ST3GAL2: variants seen among roughly 807,000 people sequenced by gnomAD.
ST3GAL2 encodes the protein CMP-N-acetylneuraminate-beta-galactosamide-alpha-2,3-sialyltransferase 2.
In ST3GAL2, 16 loss-of-function variants were observed where a neutral mutation model predicts 37.5. The ratio of observed to expected loss-of-function variants is 0.43; its 90% CI spans 0.29 to 0.65. ST3GAL2 has a LOEUF of 0.65. Ranked by LOEUF, ST3GAL2 falls within the 30% of genes least tolerant of loss-of-function variation. ST3GAL2 has a pLI of 0.17. For synonymous variants in ST3GAL2, 238 were observed against 202.9 expected (o/e 1.17, Z -1.47); for missense variants, 383 against 487.8 (o/e 0.79, Z 2.02).
chr16:70,418,004 C>A (rs1473869001), intron 1 of ST3GAL2, among the ~76,000 whole-genome samples: 1 of 152,172 alleles, frequency 6.6e-6, no homozygotes, highest in Non-Finnish European at 1.5e-5. Flanking sequence ...GCTTATGATT[C>A]TGATCTTGGT....
chr16:70,393,486 T>C (rs2047495383), intron 3 of ST3GAL2, among the ~76,000 whole-genome samples: 1 of 152,226 alleles, frequency 6.6e-6, no homozygotes, highest in African/African-American at 2.4e-5. Context: ...TGACCATCAC[T>C]GAGGTGCCTG....
At chr16:70,436,166 G>A (rs545671718) in intron 1 of ST3GAL2, among the ~76,000 whole-genome samples, 35 of 146,254 alleles carry the variant, frequency 2.4e-4, no homozygotes, top group African/African-American at 7.1e-4. Context: ...GGTGACTCAC[G>A]CCTGTAATCC....
intron 2 of ST3GAL2, among the ~76,000 whole-genome samples, chr16:70,396,298 CAAAA>C (rs35024720): frequency 3.8e-3 from 488 of 129,348 alleles, no homozygotes; most frequent in Middle Eastern, 0.012. Context: ...TATTTTTACT[CAAAA>C]AAAAAAAAAA....
chr16:70,426,254 C>T (rs1275724350), intron 1 of ST3GAL2, among the ~76,000 whole-genome samples: 4 of 127,296 alleles, frequency 3.1e-5, no homozygotes, highest in African/African-American at 5.9e-5. Flanking sequence ...AGTGCAGTGG[C>T]GCGATCTCGG....
At chr16:70,415,424 A>T (rs572556915) in intron 1 of ST3GAL2, among the ~76,000 whole-genome samples, 2 of 152,322 alleles carry the variant, frequency 1.3e-5, no homozygotes, top group African/African-American at 4.8e-5. Flanking sequence ...CCTAAGAGGG[A>T]TACACCCTCT....
In ST3GAL2 at chr16:70,394,852, ACT is replaced by A. The variant is rs2047504429; in HGVS notation, c.533+128_533+129del. 4.9e-6 allele frequency: 5 copies of A among 1,018,944 alleles called. No individual in the cohort carries two copies. In the East Asian group the frequency reaches 1.3e-4, roughly 26 times the overall value. 63.1% of individuals were successfully genotyped at this position (1,018,944 alleles called of 1,614,324 possible). A position where few individuals can be genotyped will look rare whatever the true frequency, so the allele number is the denominator to read the frequency against. ...GAGAGCTCCAAGCCTGCTGTGAAAGACTCTGGGAGGCAGGGCCCCACAGCACA... is the reference window on the plus strand; with the variant it reads ...GAGAGCTCCAAGCCTGCTGTGAAAGACTGGGAGGCAGGGCCCCACAGCACA... On this transcript the variant is annotated intron_variant, in intron 3 of 6. Coordinates refer to ENST00000342907, the MANE Select transcript of ST3GAL2 (RefSeq NM_006927.4).
intron 1 of ST3GAL2, among the ~76,000 whole-genome samples, chr16:70,421,891 C>T (rs2047717330): frequency 6.6e-6 from 1 of 152,184 alleles, no homozygotes; most frequent in Admixed American, 6.5e-5. Context: ...ATCCCCACCC[C>T]ATATGTGGTT....
At chr16:70,395,618 C>T (rs1056706711) in intron 2 of ST3GAL2, among the ~76,000 whole-genome samples, 1 of 152,194 alleles carries the variant, frequency 6.6e-6, no homozygotes, top group African/African-American at 2.4e-5. Flanking sequence ...GACAGTCCAG[C>T]CACTCCCTGA....
rs556841137 is a variant in ST3GAL2, at chr16:70,383,358, C to T, written c.714-123G>A. 7.9e-5 allele frequency: 66 copies of T among 835,940 alleles called. No individual in the cohort carries two copies. The Admixed American group carries it at 1.1e-3, about 14-fold the overall frequency. The allele number at this position is 835,940 out of a possible 1,614,324, so 51.8% of individuals were successfully genotyped here. A position where few individuals can be genotyped will look rare whatever the true frequency, so the allele number is the denominator to read the frequency against. ...CTGAGGCCAGGAGTTCGAGGCCAGC[C>T]GGATCACCTGAGGCCAGGAGTTTGA... On this transcript the variant is annotated intron_variant, in intron 4 of 6. Transcript: ENST00000342907.
At chr16:70,436,091 A>C (rs1423663785) in intron 1 of ST3GAL2, among the ~76,000 whole-genome samples, 1 of 150,654 alleles carries the variant, frequency 6.6e-6, no homozygotes, top group Non-Finnish European at 1.5e-5. Context: ...ACACCACTGC[A>C]CTCCAGCCTG....
chr16:70,419,077 T>TG (rs2047695949), intron 1 of ST3GAL2, among the ~76,000 whole-genome samples: 1 of 152,196 alleles, frequency 6.6e-6, no homozygotes, highest in Admixed American at 6.5e-5. Context: ...ACATCAAGGC[T>TG]GGACCATGGC....
In ST3GAL2 at chr16:70,398,254, T is replaced by C; in HGVS notation, c.277A>G (p.Ile93Val). The change falls in exon 2 of 7, where the codon ATT (isoleucine) becomes GTT (valine). Residue 93 changes from isoleucine to valine, a missense_variant. Coordinates refer to ENST00000342907, the MANE Select transcript of ST3GAL2 (RefSeq NM_006927.4). Reference protein sequence around the residue: ...DWFDSHFDGNISPVWTRENMD... With the variant: ...DWFDSHFDGNVSPVWTRENMD... ...TTCTCTCGGGTCCAGACGGGGGAAA[T>C]GTTACCGTCAAAGTGGCTGTCAAAC... 1 of 1,613,346 alleles carries C rather than the reference T, an allele frequency of 6.2e-7. No individual in the cohort carries two copies. Among genetic ancestry groups the C allele is most frequent in the South Asian group, 1.1e-5 (1 of 91,080 alleles).
intron 1 of ST3GAL2, among the ~76,000 whole-genome samples, chr16:70,409,592 C>T (rs576945303): frequency 2.6e-5 from 4 of 152,214 alleles, no homozygotes; most frequent in African/African-American, 9.6e-5. Context: ...TTCCGCCCAC[C>T]TCCGCCTCCC....
At chr16:70,382,085 G>C (rs1357214553) in intron 6 of ST3GAL2, among the ~76,000 whole-genome samples, 8 of 132,274 alleles carry the variant, frequency 6.0e-5, no homozygotes, top group Non-Finnish European at 9.5e-5. Context: ...GGAGTACTTT[G>C]ATCAGCACCA....
At position 70,398,245 on chromosome 16, in the gene ST3GAL2, C is replaced by G; in HGVS notation, c.286G>C (p.Val96Leu). The stretch of plus-strand genomic sequence containing the variant: ...AGATCCATGTTCTCTCGGGTCCAGA[C>G]GGGGGAAATGTTACCGTCAAAGTGG... ...DSHFDGNISPVWTRENMDLPP... is the reference protein window; with the variant it reads ...DSHFDGNISPLWTRENMDLPP... The change falls in exon 2 of 7, where the codon GTC becomes CTC. Residue 96 changes from valine (V) to leucine (L), a missense_variant. Around this residue, in one of 2 missense-constraint regions of ST3GAL2, gnomAD observed 223 missense variants for 239.1 expected, o/e 0.93. Coordinates refer to ENST00000342907, the MANE Select transcript of ST3GAL2 (RefSeq NM_006927.4). The G allele has an allele frequency of 1.5e-5, 24 of 1,613,450 alleles. No homozygotes were observed. The highest frequency in any genetic ancestry group is 5.3e-5 in the African/African-American group (4 of 75,080).
In ST3GAL2 at chr16:70,430,452, T is replaced by A. The variant is rs1265732516; in HGVS notation, c.-1004+8497A>T. 3.3e-5 allele frequency among the ~76,000 whole-genome samples: 5 copies of A among 152,332 alleles called. No individual in the cohort carries two copies. In the South Asian group the frequency reaches 6.2e-4, roughly 19 times the overall value. On this transcript the variant is annotated intron_variant, in intron 1 of 6. Coordinates refer to ENST00000342907, the MANE Select transcript of ST3GAL2 (RefSeq NM_006927.4). Reference sequence around the variant, plus strand: ...CACCACTGTGATCTTGGGCTGCACCTCCTTGACACAAACTATTGACCTGCT... The same window carrying A: ...CACCACTGTGATCTTGGGCTGCACCACCTTGACACAAACTATTGACCTGCT...
intron 1 of ST3GAL2, among the ~76,000 whole-genome samples, chr16:70,429,863 G>C (rs1052927555): frequency 2.6e-5 from 4 of 151,958 alleles, no homozygotes; most frequent in Non-Finnish European, 5.9e-5. Flanking sequence ...GGCTGGTCTT[G>C]AACTCCTGAC....
At chr16:70,385,005 G>T (rs1353609606) in intron 4 of ST3GAL2, among the ~76,000 whole-genome samples, 3 of 145,930 alleles carry the variant, frequency 2.1e-5, no homozygotes, top group East Asian at 4.1e-4. Flanking sequence ...CAAGACTCAG[G>T]CTCAAAAACA....
At chr16:70,408,924 A>AAAAG (rs2047615055) in intron 1 of ST3GAL2, among the ~76,000 whole-genome samples, 46 of 135,456 alleles carry the variant, frequency 3.4e-4, no homozygotes, top group East Asian at 8.4e-4. Context: ...AAAAAAAAAA[A>AAAAG]AAAGAAAGAA....
Sources: allele counts gnomAD v4.1 joint callset (sites outside exome capture counted in the v4.1 genomes callset), GRCh38; gene constraint gnomAD v4.1.1; regional missense constraint gnomAD v4.1.1; transcripts MANE v1.5; gene names NCBI Gene and HGNC (gene_info 2026-07-23, HGNC 2026-07-21).